Variants in ANXA11 observed in about 807,000 individuals in gnomAD.
ANXA11 encodes the protein annexin A11.
A neutral mutation model predicts 64.7 loss-of-function variants in ANXA11; 57 were observed. That is an observed-to-expected ratio of 0.88 (90% confidence interval 0.71 to 1.10). The LOEUF is 1.10. Ranked by LOEUF, ANXA11 falls within the 50% of genes least tolerant of loss-of-function variation. ANXA11 has a pLI of 0.00. For missense variants in ANXA11, 675 were observed against 670.7 expected (o/e 1.01, Z -0.07); for synonymous variants, 260 against 265.2 (o/e 0.98, Z 0.19).
At chr10:80,203,975 T>A (rs1840561661) in intron 1 of ANXA11, among the ~76,000 whole-genome samples, 1 of 152,218 alleles carries the variant, frequency 6.6e-6, no homozygotes, top group African/African-American at 2.4e-5. Context: ...ATGGCTAATG[T>A]GGGTGACACC....
rs12262468 is a variant in ANXA11, at chr10:80,187,571, T to G, written c.-57-11416A>C. Among the ~76,000 whole-genome samples the G allele has an allele frequency of 7.1e-5, 7 of 99,190 alleles. No individual in the cohort carries two copies. The South Asian group carries it at 1.1e-3, about 16-fold the overall frequency. 65.1% of individuals were successfully genotyped at this position (99,190 alleles called of 152,430 possible). On this transcript the variant is annotated intron_variant, in intron 1 of 15. Coordinates refer to ENST00000422982, the MANE Select transcript of ANXA11 (RefSeq NM_145868.2). ...CACACACACACACACACACACACAC[T>G]CTCTCTCTCTCTCACACACTCCCAA...
rs1434592610 is a variant in ANXA11, at chr10:80,157,682, A to T, written c.1417T>A (p.Tyr473Asn). The part of the protein sequence containing the change: ...ETDLLDIRSE[Y>N]KRMYGKSLYH... ...AGCGACTTGCCGTACATCCGCTTAT[A>T]CTCTGATCTGATGTCCAGGAGGTCG... is the stretch of plus-strand genomic sequence containing the variant. Residue 473 changes from tyrosine to asparagine, a missense_variant, in exon 15 of 16, where the codon TAT (tyrosine) becomes AAT (asparagine). Physicochemically the swap from Tyr to Asn is moderately radical, Grantham distance 143. Coordinates refer to ENST00000422982, the MANE Select transcript of ANXA11 (RefSeq NM_145868.2). 1 of 1,613,564 alleles carries T rather than the reference A, an allele frequency of 6.2e-7. No individual in the cohort carries two copies. The highest frequency in any genetic ancestry group is 1.7e-5 in the Admixed American group (1 of 59,976).
chr10:80,174,809 G>A (rs560169306), intron 2 of ANXA11, among the ~76,000 whole-genome samples: 24 of 152,258 alleles, frequency 1.6e-4, no homozygotes, highest in Non-Finnish European at 2.2e-4. Context: ...TGCCCGCTGC[G>A]GCCTCCCACA....
At chr10:80,190,458 T>C (rs1846723090) in intron 1 of ANXA11, among the ~76,000 whole-genome samples, 1 of 151,890 alleles carries the variant, frequency 6.6e-6, no homozygotes, top group Non-Finnish European at 1.5e-5. Flanking sequence ...TAAATTTACA[T>C]AATTATAAAT....
chr10:80,175,871 T>C (rs1846150399), intron 2 of ANXA11, among the ~76,000 whole-genome samples: 2 of 152,092 alleles, frequency 1.3e-5, no homozygotes, highest in Admixed American at 1.3e-4. Flanking sequence ...AGCCTGGCCA[T>C]GGTGAAACAC....
chr10:80,190,998 G>T (rs961928967), intron 1 of ANXA11, among the ~76,000 whole-genome samples: 8 of 151,972 alleles, frequency 5.3e-5, no homozygotes, highest in Non-Finnish European at 1.0e-4. Flanking sequence ...GGCTGAGGCA[G>T]GCGGATCACC....
rs772904915 is a variant in ANXA11, at chr10:80,164,004, C to G, written c.949+49G>C. 4.0e-6 allele frequency: 6 copies of G among 1,510,728 alleles called. No homozygotes were observed. In the East Asian group the frequency reaches 1.4e-4, roughly 34 times the overall value. 93.6% of individuals were successfully genotyped at this position (1,510,728 alleles called of 1,614,324 possible). A position where few individuals can be genotyped will look rare whatever the true frequency, so the allele number is the denominator to read the frequency against. On this transcript the variant is annotated intron_variant, in intron 9 of 15. Transcript: ENST00000422982. ...GAATGAGGCCACAGCCCCAAGAGCA[C>G]AGGGATCTGCAGAGGGCAGAGGGCA... is the stretch of plus-strand genomic sequence containing the variant.
At chr10:80,193,920 G>A (rs981051153) in intron 1 of ANXA11, among the ~76,000 whole-genome samples, 4 of 149,888 alleles carry the variant, frequency 2.7e-5, no homozygotes, top group African/African-American at 4.9e-5. Context: ...GTGCAATCTC[G>A]ACTCACTGCA....
At chr10:80,200,855 C>T (rs916124199) in intron 1 of ANXA11, among the ~76,000 whole-genome samples, 11 of 152,172 alleles carry the variant, frequency 7.2e-5, no homozygotes, top group Admixed American at 5.2e-4. Context: ...GGGCAACATG[C>T]TTCATTCACT....
In ANXA11 at chr10:80,151,431, T is replaced by C. The variant is rs1439783907; in HGVS notation, c.*4422A>G. On this transcript the variant is annotated 3_prime_UTR_variant, in exon 16 of 16. Coordinates refer to ENST00000422982, the MANE Select transcript of ANXA11 (RefSeq NM_145868.2). ...AAAACACAGGCAGAGAGCTTTCAGA[T>C]TTGATGGGGGTGAAAATGTAAACCT... 1 of 152,234 alleles carries C rather than the reference T, an allele frequency of 6.6e-6. No individual in the cohort carries two copies. Among genetic ancestry groups the C allele is most frequent in the Non-Finnish European group, 1.5e-5 (1 of 68,066 alleles). 9.4% of individuals were successfully genotyped at this position (152,234 alleles called of 1,614,324 possible).
At position 80,161,987 on chromosome 10, in the gene ANXA11, CTCG is replaced by C; in HGVS notation, c.1125_1127del (p.Asp375del). 1 of 1,612,674 alleles carries C rather than the reference CTCG, an allele frequency of 6.2e-7. No homozygotes were observed. The highest frequency in any genetic ancestry group is 8.5e-7 in the Non-Finnish European group (1 of 1,179,876). ...AGCACAGAACCGCATTGAACTTGGA[CTCG>C]TCTGTTCCCAGGCGGTTCTCCCCGG... On this transcript the variant is annotated inframe_deletion, in exon 12 of 16. Coordinates refer to ENST00000422982, the MANE Select transcript of ANXA11 (RefSeq NM_145868.2).
chr10:80,164,707 C>G (rs1380873835), intron 8 of ANXA11, among the ~76,000 whole-genome samples: 2 of 152,172 alleles, frequency 1.3e-5, no homozygotes, highest in Non-Finnish European at 2.9e-5. Flanking sequence ...AATCCTGGCT[C>G]TGCAGCTTAC....
At position 80,163,587 on chromosome 10, in the gene ANXA11, T is replaced by C. The variant is rs543230937; in HGVS notation, c.976A>G (p.Ile326Val). ...AAGTGCCCTGATGTGTCGCTTCGAA[T>C]GGCCTCTTCCAGGGTCTTTTTGAAT... Reference protein sequence around the residue: ...AEFKKTLEEAIRSDTSGHFQR... With the variant: ...AEFKKTLEEAVRSDTSGHFQR... Residue 326 changes from isoleucine (I) to valine (V), a missense_variant, in exon 10 of 16, where the codon ATT becomes GTT. Physicochemically the swap from Ile to Val is conservative, Grantham distance 29 (BLOSUM62 3). Coordinates refer to ENST00000422982, the MANE Select transcript of ANXA11 (RefSeq NM_145868.2). The C allele has an allele frequency of 1.9e-6, 3 of 1,562,122 alleles. No homozygotes were observed. In the African/African-American group the frequency reaches 4.1e-5, roughly 21 times the overall value.
intron 2 of ANXA11, among the ~76,000 whole-genome samples, chr10:80,174,500 C>T (rs1846096292): frequency 6.6e-6 from 1 of 151,644 alleles, no homozygotes; most frequent in Non-Finnish European, 1.5e-5. Flanking sequence ...TGGTCTCGAA[C>T]TCCTGACCTC....
intron 13 of ANXA11, 137 bp from the exon 14 acceptor site, chr10:80,158,162 G>C: frequency 1.3e-6 from 1 of 791,444 alleles, no homozygotes; most frequent in East Asian, 2.5e-5. Flanking sequence ...TCCTCCTTCT[G>C]TTCCAGGCTC....
intron 1 of ANXA11, among the ~76,000 whole-genome samples, chr10:80,204,434 G>C (rs1300880712): frequency 6.6e-6 from 1 of 152,226 alleles, no homozygotes; most frequent in African/African-American, 2.4e-5. Flanking sequence ...GGGCAGGGCA[G>C]GGCAGGGCAG....
chr10:80,195,515 C>CA (rs1367162840), intron 1 of ANXA11, among the ~76,000 whole-genome samples: 5 of 152,168 alleles, frequency 3.3e-5, no homozygotes, highest in Admixed American at 1.3e-4. Flanking sequence ...GAGAGAAGCA[C>CA]AAAAAATGCA....
chr10:80,187,735 A>G (rs1846601781), intron 1 of ANXA11, among the ~76,000 whole-genome samples: 1 of 152,136 alleles, frequency 6.6e-6, no homozygotes, highest in Non-Finnish European at 1.5e-5. Context: ...AGCTTCTGCC[A>G]GGGCCCGCCT....
At chr10:80,170,491 T>TG (rs1352534748) in intron 4 of ANXA11, among the ~76,000 whole-genome samples, 1 of 152,204 alleles carries the variant, frequency 6.6e-6, no homozygotes, top group Admixed American at 6.5e-5. Flanking sequence ...ACATAGCACG[T>TG]GCATGCACAC....
Sources: allele counts gnomAD v4.1 joint callset (sites outside exome capture counted in the v4.1 genomes callset), GRCh38; gene constraint gnomAD v4.1.1; transcripts MANE v1.5; gene names NCBI Gene and HGNC (gene_info 2026-07-23, HGNC 2026-07-21).